The following ITPRID2 variants were observed in gnomAD, a reference collection of about 807,000 sequenced individuals.
ITPRID2 encodes the protein protein ITPRID2.
A neutral mutation model predicts 124.3 loss-of-function variants in ITPRID2; 60 were observed. The observed-to-expected ratio is 0.48, with a 90% CI of 0.39 to 0.60. The LOEUF is 0.60. Among genes scored for constraint, ITPRID2 ranks in the 20% least tolerant of loss-of-function variants. The pLI, the probability that ITPRID2 is intolerant of heterozygous loss-of-function variation, is 0.00. For missense variants in ITPRID2, 1,553 were observed against 1,512.2 expected (o/e 1.03, Z -0.45); for synonymous variants, 521 against 542.9 (o/e 0.96, Z 0.56).
chr2:181,901,823 A>ATAT lies in ITPRID2; in HGVS notation c.771_772insATT (p.Tyr257_Ser258insIle). On this transcript the variant is annotated inframe_insertion, in exon 8 of 18. Coordinates refer to ENST00000431877, the MANE Select transcript of ITPRID2 (RefSeq NM_001130445.3). ...GTGGCCAATGCGTTTTCTTCTTTATATTCTCAAGTCTCCGGGACGCCCCTG... is the reference window on the plus strand; with the variant it reads ...GTGGCCAATGCGTTTTCTTCTTTATATATTTCTCAAGTCTCCGGGACGCCCCTG... 1 of 1,613,712 alleles carries ATAT rather than the reference A, an allele frequency of 6.2e-7. No individual in the cohort carries two copies. Among genetic ancestry groups the ATAT allele is most frequent in the Middle Eastern group, 1.7e-4 (1 of 6,058 alleles).
intron 5 of ITPRID2, 41 bp downstream of exon 5, chr2:181,898,960 AC>A (rs1558980996): frequency 6.3e-7 from 1 of 1,594,732 alleles, no homozygotes; most frequent in East Asian, 2.2e-5. Context: ...AAAAATGAAG[AC>A]CTTTAATGAA....
intron 9 of ITPRID2, among the ~76,000 whole-genome samples, chr2:181,913,030 T>C (rs1159649211): frequency 6.6e-6 from 1 of 152,190 alleles, no homozygotes; most frequent in Non-Finnish European, 1.5e-5. Flanking sequence ...TGCTTGCATT[T>C]CAGATTATTT....
intron 9 of ITPRID2, 104 bp from the exon 10 acceptor site, chr2:181,913,741 G>A (rs970888097): frequency 2.8e-6 from 2 of 721,176 alleles, no homozygotes; most frequent in Non-Finnish European, 4.4e-6. Flanking sequence ...TATATCTGCT[G>A]GGAATCATAT....
intron 10 of ITPRID2, among the ~76,000 whole-genome samples, chr2:181,914,660 A>C (rs749307098): frequency 1.7e-4 from 26 of 152,230 alleles, no homozygotes; most frequent in Non-Finnish European, 2.9e-4. Context: ...TGATAGCTTA[A>C]GAGTGAGGGG....
chr2:181,916,451 T>C, intron 11 of ITPRID2, 24 bp downstream of exon 11: 1 of 1,595,422 alleles, frequency 6.3e-7, no homozygotes, highest in Non-Finnish European at 8.5e-7. Flanking sequence ...TATGTTATCA[T>C]TAGCTTTTTT....
intron 17 of ITPRID2, 86 bp from the exon 18 acceptor site, chr2:181,929,475 C>T (rs1028031808): frequency 2.5e-6 from 2 of 815,984 alleles, no homozygotes; most frequent in Admixed American, 2.2e-5. Context: ...TATATATTTG[C>T]ATAAAATTCT....
rs1012620121 is a variant in ITPRID2 at position 181,896,283 on chromosome 2, C to A, written c.307+204C>A. Among the ~76,000 whole-genome samples, 4 of 151,892 alleles carry A rather than the reference C, an allele frequency of 2.6e-5. No individual in the cohort carries two copies. The highest frequency in any genetic ancestry group is 4.4e-5 in the Non-Finnish European group (3 of 67,850). On this transcript the variant is annotated intron_variant, in intron 3 of 17. Coordinates refer to ENST00000431877, the MANE Select transcript of ITPRID2 (RefSeq NM_001130445.3). This position sits in a 1 kb window ranked among gnomAD's most constrained non-coding sequence, Gnocchi z 4.3. ...AGCAAATTGCCTAGCCTTTTCACAA[C>A]GTGAAACTTATATCTTTATTGTCCA...
intron 10 of ITPRID2, among the ~76,000 whole-genome samples, chr2:181,914,876 G>A (rs1026701056): frequency 3.3e-5 from 5 of 152,170 alleles, no homozygotes; most frequent in African/African-American, 1.2e-4. Flanking sequence ...GGGAATGATG[G>A]GGAGAGATAC....
At position 181,896,024 on chromosome 2, in the gene ITPRID2, T is replaced by A. The variant is rs774436342; in HGVS notation, c.258-6T>A. The A allele has an allele frequency of 6.2e-7, 1 of 1,612,474 alleles. No homozygotes were observed. The highest frequency in any genetic ancestry group is 2.2e-5 in the East Asian group (1 of 44,824). Reference sequence around the variant, plus strand: ...GACTAAGGCTTATACGTTTATATGGTTTCAGTACACCTTTGGGAGCCTCAC... The same window carrying A: ...GACTAAGGCTTATACGTTTATATGGATTCAGTACACCTTTGGGAGCCTCAC... On this transcript the variant is annotated splice_region_variant and splice_polypyrimidine_tract_variant and intron_variant, in intron 2 of 17. Coordinates refer to ENST00000431877, the MANE Select transcript of ITPRID2 (RefSeq NM_001130445.3). The surrounding 1 kb of genome is among the most constrained non-coding windows in gnomAD (Gnocchi z 4.3).
Position 181,896,963 on chromosome 2 carries a change from A to C in ITPRID2, c.363A>C (p.Glu121Asp). The change falls in exon 4 of 18, where the codon GAA becomes GAC. Residue 121 changes from glutamate to aspartate, a missense_variant and splice_region_variant. By Grantham distance (45) the Glu-to-Asp change is conservative (BLOSUM62 2). Transcript: ENST00000431877. The surrounding 1 kb of genome is among the most constrained non-coding windows in gnomAD (Gnocchi z 4.3). ...AAGATGATTTGTCATTGGGAGCTGAAGGTATGTTTGTTTGGAAGAACTGTA... is the reference window on the plus strand; with the variant it reads ...AAGATGATTTGTCATTGGGAGCTGACGGTATGTTTGTTTGGAAGAACTGTA... ...SFEDDLSLGA[E>D]ANHLHESDAQ... 1 of 1,611,866 alleles carries C rather than the reference A, an allele frequency of 6.2e-7. No homozygotes were observed. The highest frequency in any genetic ancestry group is 8.5e-7 in the Non-Finnish European group (1 of 1,178,188).
Position 181,910,484 on chromosome 2 carries a change from A to G in ITPRID2, c.1486+513A>G. 1 of 588,422 alleles carries G rather than the reference A, an allele frequency of 1.7e-6. No homozygotes were observed. The highest frequency in any genetic ancestry group is 3.0e-6 in the Non-Finnish European group (1 of 328,918). The allele number at this position is 588,422 out of a possible 1,614,324, so 36.5% of individuals were successfully genotyped here. A position where few individuals can be genotyped will look rare whatever the true frequency, so the allele number is the denominator to read the frequency against. Reference sequence around the variant, plus strand: ...ATACTGTTCCTCTCTTAAATTATTAATTATTGACCAAAGAACCTTTGAATC... The same window carrying G: ...ATACTGTTCCTCTCTTAAATTATTAGTTATTGACCAAAGAACCTTTGAATC... On this transcript the variant is annotated intron_variant, in intron 9 of 17. Coordinates refer to ENST00000431877, the MANE Select transcript of ITPRID2 (RefSeq NM_001130445.3). The surrounding 1 kb of genome is among the most constrained non-coding windows in gnomAD (Gnocchi z 4.1).
Position 181,922,125 on chromosome 2 carries a change from C to T in ITPRID2, c.3388C>T (p.Pro1130Ser). 3 of 1,614,230 alleles carry T rather than the reference C, an allele frequency of 1.9e-6. No homozygotes were observed. The highest frequency in any genetic ancestry group is 2.5e-6 in the Non-Finnish European group (3 of 1,180,044). The part of the protein sequence containing the change: ...PSHANRRTGV[P>S]STASVGKSKT... The stretch of plus-strand genomic sequence containing the variant: ...TCATGCTAACAGAAGAACTGGAGTA[C>T]CTTCTACTGCCTCAGTGGGCAAATC... Residue 1130 changes from proline (P) to serine (S), a missense_variant, in exon 16 of 18, where the codon CCT (proline) becomes TCT (serine). Coordinates refer to ENST00000431877, the MANE Select transcript of ITPRID2 (RefSeq NM_001130445.3).
At chr2:181,922,436 C>A in intron 16 of ITPRID2, 24 bp downstream of exon 16, 2 of 1,561,942 alleles carry the variant, frequency 1.3e-6, no homozygotes, top group Non-Finnish European at 1.7e-6. Context: ...GTGTTTCATT[C>A]ATTTATTTGG....
In ITPRID2 at chr2:181,916,120, G is replaced by C. The variant is rs761613698; in HGVS notation, c.2480G>C (p.Arg827Thr). Residue 827 changes from arginine (R) to threonine (T), a missense_variant, in exon 11 of 18, where the codon AGG (arginine) becomes ACG (threonine). By Grantham distance (71) the Arg-to-Thr change is moderately conservative. Transcript: ENST00000431877. ...APRVEECHHG[R>T]TPTCSRLAPP... is the part of the protein sequence containing the mutation. Reference sequence around the variant, plus strand: ...CGGGTGGAGGAATGCCATCATGGAAGGACTCCTACCTGTTCACGGCTTGCT... The same window carrying C: ...CGGGTGGAGGAATGCCATCATGGAACGACTCCTACCTGTTCACGGCTTGCT... 2.5e-6 allele frequency: 4 copies of C among 1,614,200 alleles called. No homozygotes were observed. Among genetic ancestry groups the C allele is most frequent in the Non-Finnish European group, 3.4e-6 (4 of 1,180,034 alleles).
chr2:181,914,962 TGAAAG>T (rs764402023), intron 10 of ITPRID2, among the ~76,000 whole-genome samples: 14 of 152,128 alleles, frequency 9.2e-5, no homozygotes, highest in South Asian at 2.1e-4. Context: ...TGTGTTGTAT[TGAAAG>T]GAAAGGGGGA....
Position 181,902,196 on chromosome 2 carries a change from T to G in ITPRID2, c.1143T>G (p.Asp381Glu), listed in dbSNP as rs749787670. Reference protein sequence around the residue: ...TENADSDRISDEANSNFNQGT... With the variant: ...TENADSDRISEEANSNFNQGT... ...ATGCTGATAGTGATAGAATTTCTGA[T>G]GAAGCAAATAGTAATTTTAACCAAG... Residue 381 changes from aspartate (D) to glutamate (E), a missense_variant, in exon 8 of 18, where the codon GAT becomes GAG. Asp to Glu is a conservative substitution (Grantham distance 45, BLOSUM62 2). Transcript: ENST00000431877. This position sits in a 1 kb window ranked among gnomAD's most constrained non-coding sequence, Gnocchi z 4.4. 5.0e-6 allele frequency: 8 copies of G among 1,613,550 alleles called. No homozygotes were observed. Among genetic ancestry groups the G allele is most frequent in the African/African-American group, 1.3e-5 (1 of 74,902 alleles).
chr2:181,901,497 T>C (rs1192554059), intron 7 of ITPRID2, among the ~76,000 whole-genome samples: 3 of 152,188 alleles, frequency 2.0e-5, no homozygotes, highest in African/African-American at 4.8e-5. Flanking sequence ...TAGCTAGTTC[T>C]TTCTGTTTTA....
Position 181,895,079 on chromosome 2 carries a change from G to A in ITPRID2, c.258-951G>A, listed in dbSNP as rs150157059. On this transcript the variant is annotated intron_variant, in intron 2 of 17. Transcript: ENST00000431877. ...TTTCAAAAGCACTAAGTTTTAAAGA[G>A]CTGCCATTGTTAGTATACTTGTAGA... Among the ~76,000 whole-genome samples, 446 of 152,114 alleles carry A rather than the reference G, an allele frequency of 2.9e-3. 3 individuals are homozygous for A. Among genetic ancestry groups the A allele is most frequent in the African/African-American group, 0.01 (418 of 41,540 alleles).
At chr2:181,913,598 G>A (rs904273609) in intron 9 of ITPRID2, among the ~76,000 whole-genome samples, 3 of 152,110 alleles carry the variant, frequency 2.0e-5, no homozygotes, top group African/African-American at 4.8e-5. Flanking sequence ...ATTAATGAGC[G>A]AATACCGAGA....
Sources: allele counts gnomAD v4.1 joint callset (sites outside exome capture counted in the v4.1 genomes callset), GRCh38; gene constraint gnomAD v4.1.1; non-coding constraint Gnocchi (gnomAD v3.1); transcripts MANE v1.5; gene names NCBI Gene and HGNC (gene_info 2026-07-23, HGNC 2026-07-21).